The following PPARA variants were observed in gnomAD, a reference collection of about 807,000 sequenced individuals.
PPARA encodes the protein peroxisome proliferator activated receptor alpha, also known as peroxisome proliferator-activated receptor alpha.
Under a neutral mutation model 42.2 loss-of-function variants are expected in PPARA, and 22 were observed. The observed-to-expected ratio is 0.52, with a 90% CI of 0.37 to 0.74. The LOEUF (loss-of-function observed/expected upper bound fraction) is 0.74. Among genes scored for constraint, PPARA ranks in the 30% least tolerant of loss-of-function variants. PPARA has a pLI of 0.00. For missense variants in PPARA, 465 were observed against 608.2 expected, an observed-to-expected ratio of 0.76 and a Z score of 2.48; for synonymous variants, 242 against 239.3, an observed-to-expected ratio of 1.01 and a Z score of -0.10.
intron 7 of PPARA, 24 bp downstream of exon 7, chr22:46,220,038 G>C: frequency 1.9e-6 from 3 of 1,612,038 alleles, no homozygotes; most frequent in Non-Finnish European, 2.5e-6. Flanking sequence ...GCTGTTCTGG[G>C]TTCTCTTGGC....
At position 46,230,666 on chromosome 22, in the gene PPARA, C is replaced by A. The variant is rs187158496; in HGVS notation, c.712-1126C>A. 6.6e-6 allele frequency among the ~76,000 whole-genome samples: 1 copy of A among 152,308 alleles called. No homozygotes were observed. The highest frequency in any genetic ancestry group is 1.9e-4 in the East Asian group (1 of 5,182). On this transcript the variant is annotated intron_variant, in intron 7 of 8. Coordinates refer to ENST00000407236, the MANE Select transcript of PPARA (RefSeq NM_005036.6). The surrounding 1 kb of genome is among the most constrained non-coding windows in gnomAD (Gnocchi z 5.0). ...TACATGCAGATGGCATGGGAGCACA[C>A]AAGGCACGGCTGTGGGGAGTTGGCA...
rs187897536 is a variant in PPARA at position 46,156,090 on chromosome 22, T to C, written c.-127+4120T>C. The C allele has an allele frequency of 1.6e-4, 24 of 152,370 alleles. 1 individual carries two copies. Among genetic ancestry groups the C allele is most frequent in the African/African-American group, 5.8e-4 (24 of 41,592 alleles). 9.4% of individuals were successfully genotyped at this position (152,370 alleles called of 1,614,324 possible). ...AGGTCTCAACCTATCATGGTTATCT[T>C]TGCAGCTGAGCTGCGTTGGTTTTGA... is the stretch of plus-strand genomic sequence containing the variant. On this transcript the variant is annotated intron_variant, in intron 2 of 8. Transcript: ENST00000407236. This position sits in a 1 kb window ranked among gnomAD's most constrained non-coding sequence, Gnocchi z 5.2.
At chr22:46,207,458 AT>A (rs1201489931) in intron 4 of PPARA, among the ~76,000 whole-genome samples, 2 of 148,106 alleles carry the variant, frequency 1.4e-5, no homozygotes, top group Non-Finnish European at 3.0e-5. Flanking sequence ...ATTTTTTTGT[AT>A]TTTTTAGTAG....
intron 4 of PPARA, among the ~76,000 whole-genome samples, chr22:46,202,865 A>C (rs1327614925): frequency 1.3e-5 from 2 of 151,440 alleles, no homozygotes; most frequent in Non-Finnish European, 2.9e-5. Context: ...TCTGTCTTTA[A>C]ATAAATAAAT....
At chr22:46,179,147 C>T (rs1929587465) in intron 3 of PPARA, among the ~76,000 whole-genome samples, 1 of 152,130 alleles carries the variant, frequency 6.6e-6, no homozygotes, top group Admixed American at 6.6e-5. Context: ...TCTTATAATC[C>T]TAATTACCTC....
intron 2 of PPARA, among the ~76,000 whole-genome samples, chr22:46,159,166 ACAGGCAT>A (rs1925772136): frequency 6.7e-6 from 1 of 149,392 alleles, no homozygotes; most frequent in African/African-American, 2.5e-5. Context: ...TACTGGGATT[ACAGGCAT>A]GAGCCACCAC....
At position 46,212,328 on chromosome 22, in the gene PPARA, A is replaced by T. The variant is rs970544821; in HGVS notation, c.209-2845A>T. On this transcript the variant is annotated intron_variant, in intron 4 of 8. Coordinates refer to ENST00000407236, the MANE Select transcript of PPARA (RefSeq NM_005036.6). The surrounding 1 kb of genome is among the most constrained non-coding windows in gnomAD (Gnocchi z 4.2). ...AGCCTCGGCCTCCCAAAGTGCTGGG[A>T]TGACAGGCATGAGCTACCGTGCCCA... Among the ~76,000 whole-genome samples the T allele has an allele frequency of 5.9e-5, 9 of 152,194 alleles. No homozygotes were observed. The highest frequency in any genetic ancestry group is 5.2e-4 in the Admixed American group (8 of 15,274).
At position 46,211,884 on chromosome 22, in the gene PPARA, A is replaced by G. The variant is rs1392739676; in HGVS notation, c.209-3289A>G. Among the ~76,000 whole-genome samples, 1 of 151,982 alleles carries G rather than the reference A, an allele frequency of 6.6e-6. No homozygotes were observed. Among genetic ancestry groups the G allele is most frequent in the East Asian group, 1.9e-4 (1 of 5,178 alleles). ...GTATTTTTACAAAATACAAAAGACG[A>G]TGTTTCACTATGTGGGCCAGGCTGG... On this transcript the variant is annotated intron_variant, in intron 4 of 8. Transcript: ENST00000407236. The surrounding 1 kb of genome is among the most constrained non-coding windows in gnomAD (Gnocchi z 4.1).
intron 3 of PPARA, among the ~76,000 whole-genome samples, chr22:46,197,155 T>G (rs1312690126): frequency 6.6e-6 from 1 of 152,014 alleles, no homozygotes; most frequent in African/African-American, 2.4e-5. Context: ...GTTCAAGTGA[T>G]TCTCCTGCCT....
At chr22:46,213,403 C>CTTTTTTTTTTT (rs61615727) in intron 4 of PPARA, among the ~76,000 whole-genome samples, 4 of 134,862 alleles carry the variant, frequency 3.0e-5, no homozygotes, top group Non-Finnish European at 4.8e-5. Context: ...CATTTTCTTT[C>CTTTTTTTTTTT]TTTTTTTTTT....
At chr22:46,215,145 T>C in intron 4 of PPARA, 28 bp from the exon 5 acceptor site, 1 of 1,611,456 alleles carries the variant, frequency 6.2e-7, no homozygotes. Flanking sequence ...GCCTGGACTA[T>C]TCATCCGTCT....
intron 2 of PPARA, among the ~76,000 whole-genome samples, chr22:46,169,522 T>C (rs1311435770): frequency 1.3e-5 from 2 of 151,632 alleles, no homozygotes; most frequent in Non-Finnish European, 2.9e-5. Flanking sequence ...GCATGAGCCA[T>C]CACGCCCGGC....
At chr22:46,214,528 G>A (rs1934263107) in intron 4 of PPARA, among the ~76,000 whole-genome samples, 1 of 138,082 alleles carries the variant, frequency 7.2e-6, no homozygotes, top group East Asian at 2.4e-4. Flanking sequence ...GAGATGTGTG[G>A]ATCAGGAGAT....
At chr22:46,214,728 C>A (rs1356752812) in intron 4 of PPARA, among the ~76,000 whole-genome samples, 1 of 146,038 alleles carries the variant, frequency 6.8e-6, no homozygotes, top group Admixed American at 6.8e-5. Flanking sequence ...ATGTGCAAAT[C>A]TGAAGATGTG....
At chr22:46,158,383 A>T (rs1388360066) in intron 2 of PPARA, among the ~76,000 whole-genome samples, 1 of 152,110 alleles carries the variant, frequency 6.6e-6, no homozygotes, top group Non-Finnish European at 1.5e-5. Flanking sequence ...CATCTCAGAA[A>T]AAAAAAGAGT....
chr22:46,207,716 C>G (rs1406396106), intron 4 of PPARA, among the ~76,000 whole-genome samples: 3 of 111,868 alleles, frequency 2.7e-5, no homozygotes, highest in Non-Finnish European at 5.2e-5. Context: ...CAGGGTCTTG[C>G]GCTGATGCCG....
rs529376421 is a variant in PPARA, at chr22:46,190,553, G to C, written c.-42-7789G>C. Among the ~76,000 whole-genome samples, 2 of 152,262 alleles carry C rather than the reference G, an allele frequency of 1.3e-5. No homozygotes were observed. Among genetic ancestry groups the C allele is most frequent in the East Asian group, 3.9e-4 (2 of 5,180 alleles). ...GGATCGCTTGAGCCCAGGAGTTCGA[G>C]ACCAGGCTGGGCAACATAGTGAAAC... On this transcript the variant is annotated intron_variant, in intron 3 of 8. Transcript: ENST00000407236. The surrounding 1 kb of genome is among the most constrained non-coding windows in gnomAD (Gnocchi z 5.6).
In PPARA at chr22:46,215,059, G is replaced by A. The variant is rs1934345608; in HGVS notation, c.209-114G>A. 3.0e-6 allele frequency: 4 copies of A among 1,349,568 alleles called. No homozygotes were observed. The South Asian group carries it at 4.8e-5, about 16-fold the overall frequency. The allele number at this position is 1,349,568 out of a possible 1,614,324, so 83.6% of individuals were successfully genotyped here. A position where few individuals can be genotyped will look rare whatever the true frequency, so the allele number is the denominator to read the frequency against. ...CCCGGCCCCGCATGGGTGTTCTGAG[G>A]TTTATGCCTCAGCACTAGAAGCCTC... On this transcript the variant is annotated intron_variant, in intron 4 of 8. Transcript: ENST00000407236.
At position 46,222,863 on chromosome 22, in the gene PPARA, AT is replaced by A. The variant is rs771456949; in HGVS notation, c.711+2855del. ...GGAGACCTCGTCTCTACAAAAAATG[AT>A]TTTTTAAAAAACTAGCTGGGCATGG... On this transcript the variant is annotated intron_variant, in intron 7 of 8. Transcript: ENST00000407236. This position sits in a 1 kb window ranked among gnomAD's most constrained non-coding sequence, Gnocchi z 5.9. Among the ~76,000 whole-genome samples, 11 of 152,120 alleles carry A rather than the reference AT, an allele frequency of 7.2e-5. No individual in the cohort carries two copies. The highest frequency in any genetic ancestry group is 1.5e-4 in the Non-Finnish European group (10 of 68,036).
Sources: gnomAD v4.1 joint callset for allele counts (sites outside exome capture counted in the v4.1 genomes callset) on GRCh38, gnomAD v4.1.1 for gene constraint, Gnocchi (gnomAD v3.1) non-coding constraint, MANE v1.5 for transcripts, NCBI Gene and HGNC (gene_info 2026-07-23, HGNC 2026-07-21) for gene names.